Variants in GABRB3 observed in about 807,000 individuals in gnomAD.
The protein encoded by GABRB3 is gamma-aminobutyric acid receptor subunit beta-3.
GABRB3 carries 14 observed loss-of-function variants against 52.1 expected under a neutral mutation model. The ratio of observed to expected loss-of-function variants is 0.27; its 90% CI spans 0.18 to 0.42. The LOEUF is 0.42. Among genes scored for constraint, GABRB3 ranks in the 10% least tolerant of loss-of-function variants. The probability of loss-of-function intolerance (pLI) is 1.00; values close to 1 mark genes in which losing one functional copy is unlikely to be tolerated. For synonymous variants in GABRB3, 260 were observed against 232.3 expected (o/e 1.12, Z -1.08); for missense variants, 307 against 609.1 (o/e 0.50, Z 5.22).
chr15:26,583,362 C>G lies in GABRB3; in HGVS notation c.514G>C (p.Glu172Gln). 1.2e-6 allele frequency: 2 copies of G among 1,613,984 alleles called. No individual in the cohort carries two copies. Among genetic ancestry groups the G allele is most frequent in the Non-Finnish European group, 1.7e-6 (2 of 1,179,918 alleles). The change falls in exon 5 of 9, where the codon GAG becomes CAG. Residue 172 changes from glutamate to glutamine, a missense_variant. Physicochemically the swap from Glu to Gln is conservative, Grantham distance 29. This residue lies in a region of GABRB3 where 16 missense variants were observed against 102.6 expected (regional missense o/e 0.16). Coordinates refer to ENST00000311550, the MANE Select transcript of GABRB3 (RefSeq NM_000814.6). ...MMDLRRYPLDEQNCTLEIESY... is the reference protein window; with the variant it reads ...MMDLRRYPLDQQNCTLEIESY... The stretch of plus-strand genomic sequence containing the variant: ...TCAATTTCCAGAGTGCAGTTCTGCT[C>G]GTCCAGGGGGTATCTCCTGAGGTCC...
At chr15:26,607,568 T>C (rs1891883527) in intron 4 of GABRB3, among the ~76,000 whole-genome samples, 1 of 147,324 alleles carries the variant, frequency 6.8e-6, no homozygotes. Flanking sequence ...GGAGACCCTG[T>C]CTAAAAAAAA....
At chr15:26,596,453 T>C (rs1359318424) in intron 4 of GABRB3, among the ~76,000 whole-genome samples, 1 of 152,152 alleles carries the variant, frequency 6.6e-6, no homozygotes, top group East Asian at 1.9e-4. Context: ...CATTAAGTAT[T>C]GCAGAAACTG....
At chr15:26,669,711 CTACT>C (rs1887828428) in intron 3 of GABRB3, among the ~76,000 whole-genome samples, 3 of 152,020 alleles carry the variant, frequency 2.0e-5, no homozygotes, top group Non-Finnish European at 2.9e-5. Context: ...TTTCTCTTGG[CTACT>C]TAAATACTGG....
At chr15:26,629,251 C>T (rs1892838015) in intron 3 of GABRB3, 2 of 1,271,532 alleles carry the variant, frequency 1.6e-6, no homozygotes, top group Non-Finnish European at 1.0e-6. Flanking sequence ...GGAAGCTTGG[C>T]CCCGAGAGGG....
At chr15:26,760,002 T>A (rs1255729114) in intron 3 of GABRB3, among the ~76,000 whole-genome samples, 1 of 152,154 alleles carries the variant, frequency 6.6e-6, no homozygotes, top group Non-Finnish European at 1.5e-5. Context: ...GACCTGAAAA[T>A]TACTGAGCAT....
intron 3 of GABRB3, among the ~76,000 whole-genome samples, chr15:26,726,641 T>G (rs1009810508): frequency 2.6e-5 from 4 of 152,216 alleles, no homozygotes; most frequent in African/African-American, 9.6e-5. Flanking sequence ...TACATATTTT[T>G]GGCAAATATG....
chr15:26,694,002 TA>T (rs1358639206), intron 3 of GABRB3, among the ~76,000 whole-genome samples: 1 of 152,168 alleles, frequency 6.6e-6, no homozygotes, highest in African/African-American at 2.4e-5. Context: ...TTCTCCCAGC[TA>T]CTCAGGAAGC....
intron 6 of GABRB3, among the ~76,000 whole-genome samples, chr15:26,568,072 G>A (rs1595446292): frequency 6.6e-6 from 1 of 152,208 alleles, no homozygotes; most frequent in Admixed American, 6.5e-5. Flanking sequence ...CTTCTTCCTT[G>A]TAGACAGCGG....
intron 3 of GABRB3, among the ~76,000 whole-genome samples, chr15:26,771,630 T>G (rs1280310538): frequency 6.6e-6 from 1 of 152,212 alleles, no homozygotes; most frequent in Admixed American, 6.5e-5. Context: ...CCTAAAGCAC[T>G]CCTGGCAAAA....
chr15:26,732,532 A>C (rs1889956306), intron 3 of GABRB3, among the ~76,000 whole-genome samples: 1 of 152,024 alleles, frequency 6.6e-6, no homozygotes, highest in Non-Finnish European at 1.5e-5. Context: ...TTTCAAGACC[A>C]GCCTGAGCAA....
intron 4 of GABRB3, among the ~76,000 whole-genome samples, chr15:26,587,383 A>G (rs1442556385): frequency 2.6e-5 from 4 of 152,236 alleles, no homozygotes; most frequent in African/African-American, 9.6e-5. Flanking sequence ...AAAGGTAACC[A>G]TCAAGATAGA....
chr15:26,653,946 GATCATGACT>G (rs1887280446), intron 3 of GABRB3, among the ~76,000 whole-genome samples: 1 of 152,084 alleles, frequency 6.6e-6, no homozygotes, highest in African/African-American at 2.4e-5. Context: ...TACTCAACCA[GATCATGACT>G]ATAATGTTTA....
intron 3 of GABRB3, among the ~76,000 whole-genome samples, chr15:26,712,101 C>T (rs539937252): frequency 2.0e-5 from 3 of 151,630 alleles, no homozygotes; most frequent in Non-Finnish European, 4.4e-5. Flanking sequence ...AAGTGGGAGG[C>T]CAGGGAGGTG....
At position 26,772,487 on chromosome 15, in the gene GABRB3, C is replaced by T. The variant is rs1595363676; in HGVS notation, c.173-18G>A. 3.1e-6 allele frequency: 5 copies of T among 1,608,440 alleles called. No homozygotes were observed. In the African/African-American group the frequency reaches 4.0e-5, roughly 13 times the overall value. ...CGGGGGACCTGCGGGAAGCACAGGA[C>T]ACGGCGATCAGCCCAGCTCCGGCGC... On this transcript the variant is annotated intron_variant, in intron 2 of 8. Transcript: ENST00000311550.
At chr15:26,583,244 T>A (rs138477884) in intron 5 of GABRB3, 88 bp downstream of exon 5, 1 of 1,060,482 alleles carries the variant, frequency 9.4e-7, no homozygotes. Context: ...AAAAAAATTA[T>A]GGATGCCTTG....
chr15:26,669,542 C>A (rs945008462), intron 3 of GABRB3, among the ~76,000 whole-genome samples: 9 of 152,084 alleles, frequency 5.9e-5, no homozygotes, highest in Non-Finnish European at 1.0e-4. Context: ...CCTCCAAGAA[C>A]GTGGTGGCCT....
At chr15:26,645,981 C>A (rs1032850635) in intron 3 of GABRB3, among the ~76,000 whole-genome samples, 4 of 147,826 alleles carry the variant, frequency 2.7e-5, no homozygotes, top group African/African-American at 4.9e-5. Flanking sequence ...AAAAAAAAAA[C>A]AATATATGAA....
chr15:26,755,171 T>C (rs1317350959), intron 3 of GABRB3, among the ~76,000 whole-genome samples: 1 of 151,574 alleles, frequency 6.6e-6, no homozygotes, highest in Non-Finnish European at 1.5e-5. Flanking sequence ...GCCCGGCTAA[T>C]TTTTTTTGTA....
intron 4 of GABRB3, among the ~76,000 whole-genome samples, chr15:26,610,080 C>G (rs1320474748): frequency 6.6e-6 from 1 of 152,192 alleles, no homozygotes; most frequent in African/African-American, 2.4e-5. Flanking sequence ...CTTCACACAT[C>G]ATGATTGCGT....
Sources: gnomAD v4.1 joint callset for allele counts (sites outside exome capture counted in the v4.1 genomes callset) on GRCh38, gnomAD v4.1.1 for gene constraint, gnomAD v4.1.1 regional missense constraint, MANE v1.5 for transcripts, NCBI Gene and HGNC (gene_info 2026-07-23, HGNC 2026-07-21) for gene names.